The following KCNIP4 variants were observed in gnomAD, a reference collection of about 807,000 sequenced individuals.
KCNIP4 encodes Kv channel-interacting protein 4.
Under a neutral mutation model 34.0 loss-of-function variants are expected in KCNIP4, and 12 were observed. The ratio of observed to expected loss-of-function variants is 0.35; its 90% CI spans 0.23 to 0.57. The LOEUF (loss-of-function observed/expected upper bound fraction) is 0.57. KCNIP4 is among the 20% of genes least tolerant of loss of function. KCNIP4 has a pLI of 0.83. For synonymous variants in KCNIP4, 124 were observed against 102.2 expected, an observed-to-expected ratio of 1.21 and a Z score of -1.29; for missense variants, 238 against 311.7, an observed-to-expected ratio of 0.76 and a Z score of 1.78.
intron 1 of KCNIP4, among the ~76,000 whole-genome samples, chr4:21,530,022 T>C (rs373370660): frequency 6.6e-6 from 1 of 152,320 alleles, no homozygotes; most frequent in East Asian, 1.9e-4. Context: ...TTATTAGGCA[T>C]CAGGCACTTT....
At chr4:21,002,571 G>T (rs1195757430) in intron 1 of KCNIP4, among the ~76,000 whole-genome samples, 1 of 152,150 alleles carries the variant, frequency 6.6e-6, no homozygotes, top group Non-Finnish European at 1.5e-5. Context: ...TTCAGAACGG[G>T]GTTGTCTGCA....
intron 1 of KCNIP4, among the ~76,000 whole-genome samples, chr4:21,140,712 T>A (rs1751884269): frequency 6.6e-6 from 1 of 152,180 alleles, no homozygotes; most frequent in African/African-American, 2.4e-5. Flanking sequence ...TTCCAGTCTT[T>A]TTTCTGAATT....
At chr4:20,761,819 A>T (rs560420140) in intron 3 of KCNIP4, among the ~76,000 whole-genome samples, 83 of 152,334 alleles carry the variant, frequency 5.4e-4, no homozygotes, top group Admixed American at 3.9e-4. Context: ...TGCCAAATGA[A>T]AACTACTGGC....
chr4:21,757,166 A>AGAAAGAAG (rs1717639421), intron 1 of KCNIP4, among the ~76,000 whole-genome samples: 2 of 46,378 alleles, frequency 4.3e-5, no homozygotes, highest in African/African-American at 2.4e-4. Flanking sequence ...AAAGAAAGAA[A>AGAAAGAAG]GAAGGAAGGA....
intron 4 of KCNIP4, among the ~76,000 whole-genome samples, chr4:20,756,320 T>C (rs1411787170): frequency 6.6e-6 from 1 of 152,166 alleles, no homozygotes; most frequent in Non-Finnish European, 1.5e-5. Context: ...TAAAACCTTC[T>C]TCCTGAACTC....
intron 1 of KCNIP4, among the ~76,000 whole-genome samples, chr4:21,180,054 AG>A (rs1188812174): frequency 1.3e-5 from 2 of 152,206 alleles, no homozygotes; most frequent in Non-Finnish European, 2.9e-5. Context: ...GAGCTTTAAC[AG>A]GCTGCTAAGA....
At chr4:21,713,486 T>C (rs1377832415) in intron 1 of KCNIP4, among the ~76,000 whole-genome samples, 1 of 152,204 alleles carries the variant, frequency 6.6e-6, no homozygotes, top group Non-Finnish European at 1.5e-5. Context: ...TACATAATAG[T>C]TGTATATTTT....
At chr4:21,512,709 A>C (rs936407087) in intron 1 of KCNIP4, among the ~76,000 whole-genome samples, 4 of 152,162 alleles carry the variant, frequency 2.6e-5, no homozygotes, top group Non-Finnish European at 4.4e-5. Flanking sequence ...CAAGCATCTT[A>C]TGTTTGCTGT....
At chr4:21,381,935 G>A (rs1199213856) in intron 1 of KCNIP4, among the ~76,000 whole-genome samples, 1 of 152,116 alleles carries the variant, frequency 6.6e-6, no homozygotes. Context: ...TCAAACACAT[G>A]CATATTTAAG....
chr4:21,091,583 T>C (rs1056094931), intron 1 of KCNIP4, among the ~76,000 whole-genome samples: 2 of 152,234 alleles, frequency 1.3e-5, no homozygotes, highest in Non-Finnish European at 2.9e-5. Flanking sequence ...TTCACCAGTT[T>C]GAGCTGCTAT....
At chr4:20,794,324 T>C (rs1713171298) in intron 3 of KCNIP4, among the ~76,000 whole-genome samples, 1 of 152,154 alleles carries the variant, frequency 6.6e-6, no homozygotes, top group Admixed American at 6.6e-5. Flanking sequence ...CAATTGGAAG[T>C]GGCTATAAAT....
intron 1 of KCNIP4, among the ~76,000 whole-genome samples, chr4:21,213,129 C>T (rs982827359): frequency 1.3e-5 from 2 of 152,102 alleles, no homozygotes; most frequent in African/African-American, 2.4e-5. Flanking sequence ...CATGCTGTTT[C>T]TCCACTGCGT....
At chr4:21,767,861 T>C (rs546066541) in intron 1 of KCNIP4, among the ~76,000 whole-genome samples, 2 of 152,138 alleles carry the variant, frequency 1.3e-5, no homozygotes, top group East Asian at 1.9e-4. Context: ...TATTTCAGTA[T>C]TGACAGAGCT....
At chr4:21,654,645 C>A (rs1041540173) in intron 1 of KCNIP4, among the ~76,000 whole-genome samples, 1 of 152,044 alleles carries the variant, frequency 6.6e-6, no homozygotes, top group Non-Finnish European at 1.5e-5. Flanking sequence ...AAAACTGGGC[C>A]GGGTATGGTG....
chr4:20,963,496 A>G (rs1734055477), intron 1 of KCNIP4, among the ~76,000 whole-genome samples: 1 of 152,176 alleles, frequency 6.6e-6, no homozygotes, highest in Non-Finnish European at 1.5e-5. Flanking sequence ...TTCAAGTTAA[A>G]TAACAATGAT....
rs1186204862 is a variant in KCNIP4 at position 20,960,680 on chromosome 4, G to A, written c.62-77971C>T. The stretch of plus-strand genomic sequence containing the variant: ...TAAACTCTGATGAAAACATACTCAT[G>A]CATTCAATAAATATGCAGCACCTAC... On this transcript the variant is annotated intron_variant, in intron 1 of 8. Transcript: ENST00000382152. Among the ~76,000 whole-genome samples the A allele has an allele frequency of 2.6e-5, 4 of 152,240 alleles. No individual in the cohort carries two copies. In the East Asian group the frequency reaches 5.8e-4, roughly 22 times the overall value.
chr4:20,734,955 A>G (rs557847249), intron 5 of KCNIP4, among the ~76,000 whole-genome samples: 12 of 152,284 alleles, frequency 7.9e-5, no homozygotes, highest in South Asian at 6.2e-4. Context: ...AGTTAAATCA[A>G]TGGTCATACT....
chr4:21,131,676 A>G (rs1751084765), intron 1 of KCNIP4, among the ~76,000 whole-genome samples: 1 of 152,172 alleles, frequency 6.6e-6, no homozygotes, highest in Admixed American at 6.5e-5. Flanking sequence ...AGGAAGCACA[A>G]GGGTGGATTC....
chr4:20,787,599 A>C (rs1170478789), intron 3 of KCNIP4, among the ~76,000 whole-genome samples: 1 of 152,128 alleles, frequency 6.6e-6, no homozygotes, highest in Non-Finnish European at 1.5e-5. Flanking sequence ...ATTAACTTTT[A>C]GTATAAGACT....
Sources: gnomAD v4.1 joint callset for allele counts (sites outside exome capture counted in the v4.1 genomes callset) on GRCh38, gnomAD v4.1.1 for gene constraint, MANE v1.5 for transcripts, NCBI Gene and HGNC (gene_info 2026-07-23, HGNC 2026-07-21) for gene names.